Variants in LRRC37A2 observed in about 807,000 individuals in gnomAD.
LRRC37A2 encodes the protein leucine-rich repeat-containing protein 37A2.
Under a neutral mutation model 68.8 loss-of-function variants are expected in LRRC37A2, and 9 were observed. The observed-to-expected ratio is 0.13, with a 90% CI of 0.08 to 0.23. LRRC37A2 has a LOEUF of 0.23. Among genes scored for constraint, LRRC37A2 ranks in the 10% least tolerant of loss-of-function variants. LRRC37A2 has a pLI of 1.00. For missense variants in LRRC37A2, 168 were observed against 950.4 expected, an observed-to-expected ratio of 0.18 and a Z score of 10.82; for synonymous variants, 63 against 367.6, an observed-to-expected ratio of 0.17 and a Z score of 9.48.
the LRRC37A2 span, among the ~76,000 whole-genome samples, chr17:47,012,091 A>G: frequency 6.6e-6 from 1 of 152,226 alleles, no homozygotes; most frequent in Non-Finnish European, 1.5e-5. Flanking sequence ...GCTGAAATCA[A>G]TCTATGATGG....
chr17:47,018,984 G>A, the LRRC37A2 span: 1 of 1,517,104 alleles, frequency 6.6e-7, no homozygotes, highest in Non-Finnish European at 9.1e-7. Flanking sequence ...TCAGGATCAA[G>A]CTCAGCATCC....
the LRRC37A2 span, among the ~76,000 whole-genome samples, chr17:47,006,128 C>A: frequency 1.6e-4 from 24 of 151,876 alleles, no homozygotes; most frequent in Middle Eastern, 3.2e-3. Context: ...GCCAAGATTG[C>A]ACCATTGCAC....
chr17:46,809,767 A>G, the LRRC37A2 span, among the ~76,000 whole-genome samples: 7 of 152,032 alleles, frequency 4.6e-5, no homozygotes, highest in South Asian at 6.2e-4. Flanking sequence ...GAACCTGGGT[A>G]TGCCCCGTGA....
the LRRC37A2 span, among the ~76,000 whole-genome samples, chr17:46,749,097 C>G: frequency 6.6e-6 from 1 of 151,866 alleles, no homozygotes; most frequent in Non-Finnish European, 1.5e-5. Context: ...AATCTAAAAC[C>G]AGTAATGTAA....
the LRRC37A2 span, among the ~76,000 whole-genome samples, chr17:46,440,429 C>T: frequency 1.6e-5 from 1 of 60,850 alleles, no homozygotes; most frequent in Non-Finnish European, 4.6e-5. Context: ...TGGGGTCTTT[C>T]CTATTCAGTA....
the LRRC37A2 span, among the ~76,000 whole-genome samples, chr17:46,828,272 G>C: frequency 6.6e-6 from 1 of 151,058 alleles, no homozygotes; most frequent in Non-Finnish European, 1.5e-5. Flanking sequence ...TTTTGGCTCA[G>C]TGCGACCTCC....
chr17:46,770,185 G>GAGGC, the LRRC37A2 span: 4 of 1,229,836 alleles, frequency 3.3e-6, no homozygotes, highest in Non-Finnish European at 4.4e-6. Flanking sequence ...AGGCAAGAGG[G>GAGGC]AGGCAGCTTC....
chr17:46,382,031 C>T, the LRRC37A2 span, among the ~76,000 whole-genome samples: 12 of 133,128 alleles, frequency 9.0e-5, no homozygotes, highest in African/African-American at 2.9e-4. Flanking sequence ...GTAATCCCAG[C>T]ACTTTGGGAG....
the LRRC37A2 span, among the ~76,000 whole-genome samples, chr17:46,835,475 T>C: frequency 6.6e-6 from 1 of 152,086 alleles, no homozygotes; most frequent in Admixed American, 6.5e-5. Context: ...CCTCTCAAAG[T>C]GCTGGGATTA....
chr17:46,720,720 A>G, the LRRC37A2 span, among the ~76,000 whole-genome samples: 13 of 152,328 alleles, frequency 8.5e-5, no homozygotes, highest in African/African-American at 3.1e-4. Context: ...TGAGATTCCT[A>G]CAGTCATCAG....
At chr17:46,850,763 T>TG in the LRRC37A2 span, among the ~76,000 whole-genome samples, 2 of 152,180 alleles carry the variant, frequency 1.3e-5, no homozygotes, top group African/African-American at 4.8e-5. Context: ...AACAGAACTT[T>TG]GGGGCCCAAC....
chr17:46,951,909 C>T, the LRRC37A2 span, among the ~76,000 whole-genome samples: 1 of 152,118 alleles, frequency 6.6e-6, no homozygotes, highest in African/African-American at 2.4e-5. Context: ...GACATCACCT[C>T]CCTCACAGCC....
At chr17:46,716,121 T>C in the LRRC37A2 span, among the ~76,000 whole-genome samples, 13 of 152,244 alleles carry the variant, frequency 8.5e-5, no homozygotes, top group Non-Finnish European at 2.9e-5. Flanking sequence ...CATTGTTACC[T>C]AATGATAGGT....
chr17:47,000,063 T>TAAAATAAAAAAA, the LRRC37A2 span, among the ~76,000 whole-genome samples: 4 of 17,724 alleles, frequency 2.3e-4, no homozygotes, highest in Admixed American at 9.2e-4. Context: ...TAAAATAAAA[T>TAAAATAAAAAAA]TAAAATAAAA....
chr17:46,555,373 A>G, exon 14 of LRRC37A2: 1 of 1,514,058 alleles, frequency 6.6e-7, no homozygotes, highest in Non-Finnish European at 9.0e-7. Context: ...CATGCATGGA[A>G]GCTGCACAAG....
the LRRC37A2 span, among the ~76,000 whole-genome samples, chr17:46,767,416 C>T: frequency 2.6e-5 from 4 of 152,132 alleles, no homozygotes; most frequent in Non-Finnish European, 5.9e-5. Context: ...GAGGTTGGTA[C>T]GATTTATGCT....
At chr17:46,980,187 A>C in the LRRC37A2 span, among the ~76,000 whole-genome samples, 2 of 150,484 alleles carry the variant, frequency 1.3e-5, no homozygotes, top group African/African-American at 4.9e-5. Context: ...CATTTCTAAC[A>C]GTTCCCACGT....
At chr17:46,878,347 C>T in the LRRC37A2 span, among the ~76,000 whole-genome samples, 1 of 152,182 alleles carries the variant, frequency 6.6e-6, no homozygotes, top group Non-Finnish European at 1.5e-5. Flanking sequence ...GACAAAGGCC[C>T]GCTGACTGTG....
At chr17:46,503,206 C>G in the LRRC37A2 span, among the ~76,000 whole-genome samples, 1 of 108,084 alleles carries the variant, frequency 9.3e-6, no homozygotes, top group African/African-American at 3.4e-5. Context: ...AGGGAGACTC[C>G]GTCTCAAAAA....
Sources: allele counts gnomAD v4.1 joint callset (sites outside exome capture counted in the v4.1 genomes callset), GRCh38; gene constraint gnomAD v4.1.1; transcripts MANE v1.5; gene names NCBI Gene and HGNC (gene_info 2026-07-23, HGNC 2026-07-21).